The following KLRG1 variants were observed in gnomAD, a reference collection of about 807,000 sequenced individuals.
KLRG1 encodes the protein killer cell lectin like receptor G1, also known as killer cell lectin-like receptor subfamily G member 1.
In KLRG1, 16 loss-of-function variants were observed where a neutral mutation model predicts 21.8. The observed-to-expected ratio is 0.73, with a 90% CI of 0.50 to 1.11. The LOEUF (loss-of-function observed/expected upper bound fraction) is 1.11, where lower values mean the gene tolerates loss of function less well. KLRG1 is among the 50% of genes most tolerant of loss of function. KLRG1 has a pLI of 0.00. For missense variants in KLRG1, 173 were observed against 218.3 expected, an observed-to-expected ratio of 0.79 and a Z score of 1.31; for synonymous variants, 69 against 75.9, an observed-to-expected ratio of 0.91 and a Z score of 0.47.
At chr12:9,187,680 C>T in the KLRG1 span, among the ~76,000 whole-genome samples, 27 of 152,258 alleles carry the variant, frequency 1.8e-4, no homozygotes, top group East Asian at 4.4e-3. Flanking sequence ...ACAGCTAAGG[C>T]GGTGTTAAGA....
chr12:9,012,241 G>A (rs1348677387), downstream of KLRG1, among the ~76,000 whole-genome samples: 1 of 152,174 alleles, frequency 6.6e-6, no homozygotes, highest in Non-Finnish European at 1.5e-5. Flanking sequence ...AGAGGAGATG[G>A]AAGAGTAAAG....
the KLRG1 span, chr12:9,116,243 G>A: frequency 7.2e-6 from 2 of 277,024 alleles, no homozygotes; most frequent in Admixed American, 4.5e-5. Context: ...TAGCTGGCAA[G>A]GAAAACTACA....
At chr12:9,007,227 A>G (rs540918483) in intron 3 of KLRG1, among the ~76,000 whole-genome samples, 126 of 152,244 alleles carry the variant, frequency 8.3e-4, no homozygotes, top group Middle Eastern at 3.4e-3. Flanking sequence ...TAGTGTCTCC[A>G]CTAGAAGTGC....
chr12:9,173,858 C>G, the KLRG1 span, among the ~76,000 whole-genome samples: 1 of 151,974 alleles, frequency 6.6e-6, no homozygotes, highest in Non-Finnish European at 1.5e-5. Flanking sequence ...CCAAAAAAAG[C>G]CCAGGACCAG....
the KLRG1 span, among the ~76,000 whole-genome samples, chr12:9,059,996 C>CTTTT: frequency 4.0e-3 from 300 of 75,456 alleles, 29 homozygotes; most frequent in African/African-American, 0.01. Flanking sequence ...GCCCTGGCAT[C>CTTTT]TTTTTTTTTT....
chr12:9,017,775 CAA>C, the KLRG1 span, among the ~76,000 whole-genome samples: 1 of 151,986 alleles, frequency 6.6e-6, no homozygotes, highest in African/African-American at 2.4e-5. Context: ...AGCAATCAGA[CAA>C]GAGAAAGGAA....
chr12:9,002,740 T>C (rs556788737), intron 3 of KLRG1, among the ~76,000 whole-genome samples: 30 of 151,904 alleles, frequency 2.0e-4, no homozygotes, highest in Non-Finnish European at 3.8e-4. Context: ...CTAATTTTCA[T>C]ATTTTTTGTA....
the KLRG1 span, among the ~76,000 whole-genome samples, chr12:9,019,399 C>A: frequency 6.6e-6 from 1 of 152,136 alleles, no homozygotes; most frequent in Non-Finnish European, 1.5e-5. Context: ...ATCATATGAT[C>A]CAGCAATACC....
At chr12:9,034,244 A>G in the KLRG1 span, among the ~76,000 whole-genome samples, 1 of 152,198 alleles carries the variant, frequency 6.6e-6, no homozygotes, top group East Asian at 1.9e-4. Context: ...GTGACATCCT[A>G]TCTCTAGGGA....
At chr12:8,998,688 CAAAA>C (rs201443520) in intron 3 of KLRG1, among the ~76,000 whole-genome samples, 2 of 129,436 alleles carry the variant, frequency 1.5e-5, no homozygotes. Flanking sequence ...GACTCTGTCT[CAAAA>C]AAAAAAAAAA....
the KLRG1 span, among the ~76,000 whole-genome samples, chr12:9,024,934 G>GA: frequency 6.6e-6 from 1 of 152,204 alleles, no homozygotes; most frequent in Non-Finnish European, 1.5e-5. Flanking sequence ...GAAGAGGGAA[G>GA]AAAACTGGTG....
chr12:9,187,082 A>C, the KLRG1 span, among the ~76,000 whole-genome samples: 1 of 151,558 alleles, frequency 6.6e-6, no homozygotes, highest in South Asian at 2.1e-4. Context: ...AAGGTCAAAA[A>C]AAAAAAAAAA....
the KLRG1 span, among the ~76,000 whole-genome samples, chr12:9,207,201 G>A: frequency 9.9e-5 from 15 of 152,278 alleles, no homozygotes; most frequent in African/African-American, 3.1e-4. Flanking sequence ...TCCCTTTCCC[G>A]ATTTGGGACT....
the KLRG1 span, chr12:9,107,511 G>C: frequency 6.2e-7 from 1 of 1,613,502 alleles, no homozygotes; most frequent in Non-Finnish European, 8.5e-7. Flanking sequence ...AGAAAAAATA[G>C]TGTTCAACCT....
the KLRG1 span, among the ~76,000 whole-genome samples, chr12:9,212,309 C>T: frequency 5.5e-4 from 83 of 152,264 alleles, no homozygotes; most frequent in African/African-American, 1.9e-3. Context: ...ACAGTGGGAC[C>T]AAGTTCAGCC....
the KLRG1 span, among the ~76,000 whole-genome samples, chr12:9,035,038 A>G: frequency 3.6e-5 from 5 of 140,774 alleles, no homozygotes; most frequent in African/African-American, 1.2e-4. Flanking sequence ...TAAAAAAAAA[A>G]TTAAATAGAA....
At chr12:9,034,515 G>A in the KLRG1 span, among the ~76,000 whole-genome samples, 5 of 150,556 alleles carry the variant, frequency 3.3e-5, no homozygotes, top group East Asian at 5.9e-4. Flanking sequence ...GTGTGATCTC[G>A]GCTCGCTGCA....
the KLRG1 span, among the ~76,000 whole-genome samples, chr12:9,207,903 T>C: frequency 1.3e-5 from 2 of 152,238 alleles, no homozygotes; most frequent in Non-Finnish European, 2.9e-5. Flanking sequence ...TCTGTATATA[T>C]ATATATGGCC....
the KLRG1 span, among the ~76,000 whole-genome samples, chr12:9,142,240 G>A: frequency 6.6e-6 from 1 of 152,130 alleles, no homozygotes; most frequent in African/African-American, 2.4e-5. Context: ...CACAAAATTA[G>A]AAGTTAGGGT....
Sources: gnomAD v4.1 joint callset for allele counts (sites outside exome capture counted in the v4.1 genomes callset) on GRCh38, gnomAD v4.1.1 for gene constraint, MANE v1.5 for transcripts, NCBI Gene and HGNC (gene_info 2026-07-23, HGNC 2026-07-21) for gene names.